Variants in SGCZ observed in about 807,000 individuals in gnomAD.
SGCZ encodes the protein zeta-sarcoglycan.
SGCZ carries 40 observed loss-of-function variants against 41.3 expected under a neutral mutation model. The observed-to-expected ratio is 0.97, with a 90% CI of 0.75 to 1.26. The LOEUF is 1.26. Among genes scored for constraint, SGCZ ranks in the 50% most tolerant of loss-of-function variants. The pLI is 0.00. For missense variants in SGCZ, 552 were observed against 369.8 expected (o/e 1.49, Z -4.04); for synonymous variants, 206 against 137.5 (o/e 1.50, Z -3.49).
chr8:14,828,311 TTA>T (rs1162578394), intron 1 of SGCZ, among the ~76,000 whole-genome samples: 2 of 152,150 alleles, frequency 1.3e-5, no homozygotes, highest in Non-Finnish European at 2.9e-5. Context: ...AGGAAAAAAG[TTA>T]TCTTATTTGT....
At chr8:14,353,569 A>G (rs968795333) in intron 2 of SGCZ, among the ~76,000 whole-genome samples, 1 of 152,060 alleles carries the variant, frequency 6.6e-6, no homozygotes, top group African/African-American at 2.4e-5. Context: ...TAATGTCCCA[A>G]TTCACAACGG....
intron 7 of SGCZ, 25 bp downstream of exon 7, chr8:14,102,351 G>A (rs755015383): frequency 2.6e-5 from 37 of 1,442,606 alleles, no homozygotes; most frequent in South Asian, 1.6e-4. Flanking sequence ...AGTATAGGGC[G>A]AGGGTCCAAC....
intron 4 of SGCZ, among the ~76,000 whole-genome samples, chr8:14,169,410 T>G (rs908723076): frequency 6.6e-6 from 1 of 152,112 alleles, no homozygotes; most frequent in African/African-American, 2.4e-5. Flanking sequence ...TCAGGCATTA[T>G]CTCGTCAGTA....
intron 3 of SGCZ, among the ~76,000 whole-genome samples, chr8:14,250,368 A>G (rs1259998507): frequency 6.6e-6 from 1 of 152,210 alleles, no homozygotes; most frequent in East Asian, 1.9e-4. Context: ...GACTGCTCAC[A>G]AAAATGTGTC....
intron 1 of SGCZ, among the ~76,000 whole-genome samples, chr8:14,926,678 G>A (rs1347152686): frequency 2.0e-5 from 3 of 151,806 alleles, no homozygotes; most frequent in African/African-American, 4.8e-5. Flanking sequence ...GTCTCGCTCT[G>A]TTGCCAGACT....
intron 1 of SGCZ, among the ~76,000 whole-genome samples, chr8:14,807,777 A>G (rs1247839618): frequency 1.3e-5 from 2 of 152,236 alleles, no homozygotes; most frequent in South Asian, 2.1e-4. Context: ...CACCAAGTCA[A>G]TCCTAAGCCA....
At chr8:14,666,572 T>G (rs893814122) in intron 1 of SGCZ, among the ~76,000 whole-genome samples, 1 of 152,108 alleles carries the variant, frequency 6.6e-6, no homozygotes, top group African/African-American at 2.4e-5. Flanking sequence ...GGCTTTTTTC[T>G]GTAGATAAAC....
intron 3 of SGCZ, among the ~76,000 whole-genome samples, chr8:14,275,137 C>T (rs10098101): frequency 0.22 from 32,787 of 152,002 alleles, 3,734 homozygotes; most frequent in East Asian, 0.27. Flanking sequence ...TGGTCAGAGC[C>T]GAAAGCCAGG....
chr8:15,021,918 T>G (rs1328518292), intron 1 of SGCZ, among the ~76,000 whole-genome samples: 1 of 152,222 alleles, frequency 6.6e-6, no homozygotes, highest in African/African-American at 2.4e-5. Flanking sequence ...TTTGACCCCG[T>G]TCACACTATA....
At chr8:15,213,322 A>G (rs1801297348) in intron 1 of SGCZ, among the ~76,000 whole-genome samples, 1 of 151,954 alleles carries the variant, frequency 6.6e-6, no homozygotes, top group Non-Finnish European at 1.5e-5. Context: ...AACTAACAGA[A>G]GTAAAATATA....
rs73515289 is a variant in SGCZ at position 14,249,366 on chromosome 8, T to A, written c.337-11687A>T. 2.5e-3 allele frequency among the ~76,000 whole-genome samples: 373 copies of A among 152,230 alleles called. 3 individuals are homozygous for A. Among genetic ancestry groups the A allele is most frequent in the African/African-American group, 8.5e-3 (353 of 41,550 alleles). ...GGGTCTCCAACTGGCTAACTACAGATCCTGGGGTTTCTCATCCTCCCTAAC... is the reference window on the plus strand; with the variant it reads ...GGGTCTCCAACTGGCTAACTACAGAACCTGGGGTTTCTCATCCTCCCTAAC... On this transcript the variant is annotated intron_variant, in intron 3 of 7. Transcript: ENST00000382080.
chr8:14,460,155 C>T (rs548610045), intron 2 of SGCZ, among the ~76,000 whole-genome samples: 1 of 152,134 alleles, frequency 6.6e-6, no homozygotes, highest in Admixed American at 6.5e-5. Context: ...TACATGAATT[C>T]TCTTTGCTAA....
At chr8:15,198,027 G>A (rs1370449629) in intron 1 of SGCZ, among the ~76,000 whole-genome samples, 2 of 147,598 alleles carry the variant, frequency 1.4e-5, no homozygotes, top group African/African-American at 4.9e-5. Context: ...TATGTATTAT[G>A]TTACATTATA....
At chr8:14,807,255 A>T (rs965966680) in intron 1 of SGCZ, among the ~76,000 whole-genome samples, 1 of 152,140 alleles carries the variant, frequency 6.6e-6, no homozygotes, top group African/African-American at 2.4e-5. Flanking sequence ...GAAAGAAATA[A>T]AGGGTATTCA....
intron 1 of SGCZ, among the ~76,000 whole-genome samples, chr8:14,854,665 G>C (rs548363243): frequency 2.5e-4 from 38 of 152,284 alleles, no homozygotes; most frequent in Non-Finnish European, 3.8e-4. Context: ...AAACAGTAGA[G>C]AGAAGAAGGA....
rs571022438 is a variant in SGCZ, at chr8:14,239,216, GATA to G, written c.337-1540_337-1538del. Among the ~76,000 whole-genome samples the G allele has an allele frequency of 7.9e-3, 1,186 of 149,622 alleles. 4 individuals are homozygous for G. The highest frequency in any genetic ancestry group is 0.011 in the Non-Finnish European group (756 of 67,592). The stretch of plus-strand genomic sequence containing the variant: ...CCCAATAAGAATACTACTGTCTCTT[GATA>G]ATGACATAAAGATGATGGTTCATAC... On this transcript the variant is annotated intron_variant, in intron 3 of 7. Transcript: ENST00000382080.
intron 1 of SGCZ, among the ~76,000 whole-genome samples, chr8:14,815,603 C>A (rs1015401004): frequency 2.0e-5 from 3 of 152,232 alleles, no homozygotes; most frequent in East Asian, 1.9e-4. Context: ...TCACTAGTAC[C>A]ACACAGAGTA....
chr8:14,570,757 T>A (rs1804525807), intron 1 of SGCZ, among the ~76,000 whole-genome samples: 1 of 152,160 alleles, frequency 6.6e-6, no homozygotes, highest in Non-Finnish European at 1.5e-5. Flanking sequence ...CCTAAGAGAC[T>A]ATTTCATATA....
chr8:14,293,951 C>G (rs1315716345), intron 3 of SGCZ, among the ~76,000 whole-genome samples: 4 of 151,668 alleles, frequency 2.6e-5, no homozygotes, highest in Non-Finnish European at 5.9e-5. Flanking sequence ...TCAAGACATA[C>G]ATATCTCTAA....
Sources: gnomAD v4.1 joint callset for allele counts (sites outside exome capture counted in the v4.1 genomes callset) on GRCh38, gnomAD v4.1.1 for gene constraint, MANE v1.5 for transcripts, NCBI Gene and HGNC (gene_info 2026-07-23, HGNC 2026-07-21) for gene names.